Variants in DDAH2 observed in about 807,000 individuals in gnomAD.
The protein encoded by DDAH2 is putative hydrolase DDAH2.
In DDAH2, 8 loss-of-function variants were observed where a neutral mutation model predicts 24.8. The observed-to-expected ratio is 0.32, with a 90% CI of 0.19 to 0.58. The LOEUF is 0.58. DDAH2 is among the 20% of genes least tolerant of loss of function. The pLI, the probability that DDAH2 is intolerant of heterozygous loss-of-function variation, is 0.87. For synonymous variants in DDAH2, 151 were observed against 166.1 expected (o/e 0.91, Z 0.70); for missense variants, 281 against 379.0 (o/e 0.74, Z 2.15).
rs1807443500 is a variant in DDAH2 at position 31,727,211 on chromosome 6, G to T, written c.*26C>A. 1 of 1,554,776 alleles carries T rather than the reference G, an allele frequency of 6.4e-7. No homozygotes were observed. Among genetic ancestry groups the T allele is most frequent in the South Asian group, 1.1e-5 (1 of 89,726 alleles). Reference sequence around the variant, plus strand: ...TACTTCCTATACTATCCTACCCCTGGCCAGCAGTACCCCAAGGCCAGGCCC... The same window carrying T: ...TACTTCCTATACTATCCTACCCCTGTCCAGCAGTACCCCAAGGCCAGGCCC... On this transcript the variant is annotated 3_prime_UTR_variant, in exon 6 of 6. Coordinates refer to ENST00000375789, the MANE Select transcript of DDAH2 (RefSeq NM_001303007.2). The surrounding 1 kb of genome is among the most constrained non-coding windows in gnomAD (Gnocchi z 6.0).
chr6:31,728,699 A>G lies in DDAH2; in HGVS notation c.344T>C (p.Val115Ala), dbSNP rs752574412. 6.2e-6 allele frequency: 10 copies of G among 1,612,744 alleles called. No homozygotes were observed. Among genetic ancestry groups the G allele is most frequent in the African/African-American group, 1.3e-5 (1 of 74,840 alleles). Residue 115 changes from valine (V) to alanine (A), a missense_variant, in exon 2 of 6, where the codon GTG (valine) becomes GCG (alanine). Val to Ala is a moderately conservative substitution (Grantham distance 64). Transcript: ENST00000375789. The surrounding 1 kb of genome is among the most constrained non-coding windows in gnomAD (Gnocchi z 9.8). ...CGTCGCGTTCTCGTCTCCTATTTCC[A>G]CAATTCGGAGCCCCAGGTCTTGCAG... ...KALQDLGLRI[V>A]EIGDENATLD...
At chr6:31,729,715 G>A (rs747229814), upstream of DDAH2, 1 of 159,996 alleles carries the variant, frequency 6.3e-6, no homozygotes, top group Non-Finnish European at 1.4e-5. This position sits in a 1 kb window ranked among gnomAD's most constrained non-coding sequence, Gnocchi z 6.7. Context: ...GGGTAGGAAG[G>A]GAGGAGTTCG....
rs1807552424 is a variant in DDAH2, at chr6:31,728,319, G to C, written c.472-27C>G. 5 of 1,605,342 alleles carry C rather than the reference G, an allele frequency of 3.1e-6. No individual in the cohort carries two copies. In the South Asian group the frequency reaches 5.5e-5, roughly 18 times the overall value. ...TAGGGAGAGCGAAGGGAGGTATTCA[G>C]GGGCGCGGGAGGGGTGATGGGGTAT... is the stretch of plus-strand genomic sequence containing the variant. On this transcript the variant is annotated intron_variant, in intron 3 of 5. Transcript: ENST00000375789. The surrounding 1 kb of genome is among the most constrained non-coding windows in gnomAD (Gnocchi z 9.8).
Position 31,727,086 on chromosome 6 carries a change from C to A in DDAH2, c.*151G>T. ...TTGGTTCTGAGAGGGAGGATTCACC[C>A]AGTGGATCCTTTTCCCTACACTCTC... On this transcript the variant is annotated 3_prime_UTR_variant, in exon 6 of 6. Coordinates refer to ENST00000375789, the MANE Select transcript of DDAH2 (RefSeq NM_001303007.2). This position sits in a 1 kb window ranked among gnomAD's most constrained non-coding sequence, Gnocchi z 6.0. 1.5e-6 allele frequency: 1 copy of A among 682,786 alleles called. No homozygotes were observed. The highest frequency in any genetic ancestry group is 1.7e-5 in the South Asian group (1 of 57,722). The allele number at this position is 682,786 out of a possible 1,614,324, so 42.3% of individuals were successfully genotyped here.
Position 31,728,107 on chromosome 6 carries a change from C to A in DDAH2, c.591+66G>T. ...AGGGGTTAGGGCTAATTTCCTAAGC[C>A]TCCCAGCTCCCGGCCTCCCGGGCCC... is the stretch of plus-strand genomic sequence containing the variant. On this transcript the variant is annotated intron_variant, in intron 4 of 5. Transcript: ENST00000375789. The surrounding 1 kb of genome is among the most constrained non-coding windows in gnomAD (Gnocchi z 9.8). 6.3e-7 allele frequency: 1 copy of A among 1,583,588 alleles called. No individual in the cohort carries two copies.
upstream of DDAH2, chr6:31,729,552 AG>A (rs1321103169): frequency 2.4e-5 from 6 of 245,840 alleles, no homozygotes; most frequent in Non-Finnish European, 4.8e-5. The surrounding 1 kb of genome is among the most constrained non-coding windows in gnomAD (Gnocchi z 6.7). Flanking sequence ...AAAATGCAGC[AG>A]CCCCGCCCCC....
rs565274260 is a variant in DDAH2 at position 31,729,071 on chromosome 6, C to T, written c.91G>A (p.Ala31Thr). ...ESLASGEGAG[A>T]GLPALDLAKA... is the part of the protein sequence containing the mutation. Reference sequence around the variant, plus strand: ...GCCAGATCCAGAGCGGGAAGGCCAGCCCCCGCACCTTCCCCCGACGCCAGG... The same window carrying T: ...GCCAGATCCAGAGCGGGAAGGCCAGTCCCCGCACCTTCCCCCGACGCCAGG... Residue 31 changes from alanine to threonine, a missense_variant, in exon 1 of 6, where the codon GCT (alanine) becomes ACT (threonine). Physicochemically the swap from Ala to Thr is moderately conservative, Grantham distance 58. Transcript: ENST00000375789. This position sits in a 1 kb window ranked among gnomAD's most constrained non-coding sequence, Gnocchi z 6.7. The T allele has an allele frequency of 2.6e-4, 426 of 1,613,036 alleles. No homozygotes were observed. The highest frequency in any genetic ancestry group is 3.5e-4 in the Non-Finnish European group (409 of 1,180,014).
In DDAH2 at chr6:31,727,231, A is replaced by G; in HGVS notation, c.*6T>C. 6.2e-7 allele frequency: 1 copy of G among 1,609,766 alleles called. No homozygotes were observed. Among genetic ancestry groups the G allele is most frequent in the Non-Finnish European group, 8.5e-7 (1 of 1,177,104 alleles). ...CCCTGGCCAGCAGTACCCCAAGGCC[A>G]GGCCCTCAGCTGTGGGGGCGTGTGC... On this transcript the variant is annotated 3_prime_UTR_variant, in exon 6 of 6. Coordinates refer to ENST00000375789, the MANE Select transcript of DDAH2 (RefSeq NM_001303007.2). The surrounding 1 kb of genome is among the most constrained non-coding windows in gnomAD (Gnocchi z 6.0).
chr6:31,730,116 G>A (rs1807763305), upstream of DDAH2: 1 of 152,586 alleles, frequency 6.6e-6, no homozygotes, highest in Non-Finnish European at 1.5e-5. The surrounding 1 kb of genome is among the most constrained non-coding windows in gnomAD (Gnocchi z 5.1). Flanking sequence ...CCCGAGGACA[G>A]AGTTGGTGGA....
Position 31,727,376 on chromosome 6 carries a change from G to A in DDAH2, c.742-23C>T, listed in dbSNP as rs1042568862. On this transcript the variant is annotated intron_variant, in intron 5 of 5. Transcript: ENST00000375789. This position sits in a 1 kb window ranked among gnomAD's most constrained non-coding sequence, Gnocchi z 6.0. ...TGCCTGCACAGGGAAGACATGGAGT[G>A]GGGAGAGGGGAGTGAGACCTCAGGC... 1.2e-6 allele frequency: 2 copies of A among 1,601,786 alleles called. No homozygotes were observed. The highest frequency in any genetic ancestry group is 1.1e-5 in the South Asian group (1 of 90,454).
chr6:31,729,135 G>C lies in DDAH2; in HGVS notation c.27C>G (p.Gly9=). 6.2e-7 allele frequency: 1 copy of C among 1,610,148 alleles called. No homozygotes were observed. The highest frequency in any genetic ancestry group is 8.5e-7 in the Non-Finnish European group (1 of 1,177,874). MGTPGEGL[G]RCSHALIRGV... ...CCCGGATCAGGGCATGGGAGCAGCG[G>C]CCCAGCCCCTCCCCCGGCGTCCCCA... Residue 9 remains glycine, a synonymous_variant, in exon 1 of 6, where the codon GGC becomes GGG. Coordinates refer to ENST00000375789, the MANE Select transcript of DDAH2 (RefSeq NM_001303007.2). The surrounding 1 kb of genome is among the most constrained non-coding windows in gnomAD (Gnocchi z 6.7).
rs754239946 is a variant in DDAH2 at position 31,728,284 on chromosome 6, G to A, written c.480C>T (p.Ala160=). The A allele has an allele frequency of 4.0e-5, 64 of 1,610,532 alleles. No homozygotes were observed. The highest frequency in any genetic ancestry group is 5.0e-5 in the Admixed American group (3 of 59,726). Residue 160 remains alanine, a synonymous_variant, in exon 4 of 6, where the codon GCC becomes GCT. Coordinates refer to ENST00000375789, the MANE Select transcript of DDAH2 (RefSeq NM_001303007.2). The surrounding 1 kb of genome is among the most constrained non-coding windows in gnomAD (Gnocchi z 9.8). ...GACCCGAGACTGGCACAGTGGAGAC[G>A]GCGAAGTCCTAGGGAGAGCGAAGGG... ...EIVADTFRDF[A]VSTVPVSGPS...
chr6:31,728,251 G>A lies in DDAH2; in HGVS notation c.513C>T (p.His171=). The change falls in exon 4 of 6, where the codon CAC becomes CAT. Residue 171 remains histidine (H), a synonymous_variant. Coordinates refer to ENST00000375789, the MANE Select transcript of DDAH2 (RefSeq NM_001303007.2). This position sits in a 1 kb window ranked among gnomAD's most constrained non-coding sequence, Gnocchi z 9.8. ...VSTVPVSGPS[H]LRGLCGMGGP... is the part of the protein sequence containing the mutation. Reference sequence around the variant, plus strand: ...CCCCCATGCCGCAGAGACCGCGCAGGTGGGAGGGACCCGAGACTGGCACAG... The same window carrying A: ...CCCCCATGCCGCAGAGACCGCGCAGATGGGAGGGACCCGAGACTGGCACAG... 1 of 1,612,554 alleles carries A rather than the reference G, an allele frequency of 6.2e-7. No individual in the cohort carries two copies. Among genetic ancestry groups the A allele is most frequent in the East Asian group, 2.2e-5 (1 of 44,878 alleles).
At position 31,728,714 on chromosome 6, in the gene DDAH2, A is replaced by G. The variant is rs756843527; in HGVS notation, c.329T>C (p.Leu110Pro). ...VDGVRKALQD[L>P]GLRIVEIGDE... ...TCCTATTTCCACAATTCGGAGCCCC[A>G]GGTCTTGCAGGGCTTTGCGGACTCC... The change falls in exon 2 of 6, where the codon CTG (leucine) becomes CCG (proline). Residue 110 changes from leucine to proline, a missense_variant. By Grantham distance (98) the Leu-to-Pro change is moderately conservative. Coordinates refer to ENST00000375789, the MANE Select transcript of DDAH2 (RefSeq NM_001303007.2). This position sits in a 1 kb window ranked among gnomAD's most constrained non-coding sequence, Gnocchi z 9.8. The G allele has an allele frequency of 6.2e-7, 1 of 1,613,000 alleles. No homozygotes were observed. The highest frequency in any genetic ancestry group is 8.5e-7 in the Non-Finnish European group (1 of 1,179,996).
At chr6:31,729,504 G>C (rs964687901), upstream of DDAH2, 2 of 316,812 alleles carry the variant, frequency 6.3e-6, no homozygotes, top group Non-Finnish European at 1.2e-5. This position sits in a 1 kb window ranked among gnomAD's most constrained non-coding sequence, Gnocchi z 6.7. Flanking sequence ...CCTGTCGGGC[G>C]CCCCTCTTGG....
chr6:31,728,803 A>G lies in DDAH2; in HGVS notation c.298-58T>C. The G allele has an allele frequency of 6.2e-7, 1 of 1,611,076 alleles. No homozygotes were observed. Among genetic ancestry groups the G allele is most frequent in the Non-Finnish European group, 8.5e-7 (1 of 1,179,074 alleles). ...ACACCCCCATCCTCAATTCTTCCCC[A>G]AAGCCCCGACATCCAGTTCCTTCTG... On this transcript the variant is annotated intron_variant, in intron 1 of 5. Transcript: ENST00000375789. The surrounding 1 kb of genome is among the most constrained non-coding windows in gnomAD (Gnocchi z 9.8).
Position 31,729,057 on chromosome 6 carries a change from A to G in DDAH2, c.105T>C (p.Ala35=). The G allele has an allele frequency of 6.2e-7, 1 of 1,612,950 alleles. No homozygotes were observed. Among genetic ancestry groups the G allele is most frequent in the Non-Finnish European group, 8.5e-7 (1 of 1,179,996 alleles). ...CCCTTTGAGCTTTGGCCAGATCCAG[A>G]GCGGGAAGGCCAGCCCCCGCACCTT... The part of the protein sequence containing the change: ...SGEGAGAGLP[A]LDLAKAQREH... The change falls in exon 1 of 6, where the codon GCT becomes GCC. Residue 35 remains alanine (A), a synonymous_variant. Transcript: ENST00000375789. This position sits in a 1 kb window ranked among gnomAD's most constrained non-coding sequence, Gnocchi z 6.7.
In DDAH2 at chr6:31,727,370, T is replaced by C. The variant is rs1158592571; in HGVS notation, c.742-17A>G. On this transcript the variant is annotated splice_polypyrimidine_tract_variant and intron_variant, in intron 5 of 5. Transcript: ENST00000375789. The surrounding 1 kb of genome is among the most constrained non-coding windows in gnomAD (Gnocchi z 6.0). Reference sequence around the variant, plus strand: ...CTGCAGTGCCTGCACAGGGAAGACATGGAGTGGGGAGAGGGGAGTGAGACC... The same window carrying C: ...CTGCAGTGCCTGCACAGGGAAGACACGGAGTGGGGAGAGGGGAGTGAGACC... 2 of 1,607,058 alleles carry C rather than the reference T, an allele frequency of 1.2e-6. No homozygotes were observed. The highest frequency in any genetic ancestry group is 8.5e-7 in the Non-Finnish European group (1 of 1,175,404).
In DDAH2 at chr6:31,728,576, G is replaced by A. The variant is rs533551218; in HGVS notation, c.398-52C>T. The A allele has an allele frequency of 4.7e-5, 76 of 1,611,352 alleles. No homozygotes were observed. Among genetic ancestry groups the A allele is most frequent in the Non-Finnish European group, 5.8e-5 (68 of 1,178,784 alleles). Reference sequence around the variant, plus strand: ...GAGGGCGGGAGTGAGTTAGAAACAAGGCTCCAGACGGCCGAGTCTCCCAAA... The same window carrying A: ...GAGGGCGGGAGTGAGTTAGAAACAAAGCTCCAGACGGCCGAGTCTCCCAAA... On this transcript the variant is annotated intron_variant, in intron 2 of 5. Coordinates refer to ENST00000375789, the MANE Select transcript of DDAH2 (RefSeq NM_001303007.2). This position sits in a 1 kb window ranked among gnomAD's most constrained non-coding sequence, Gnocchi z 9.8.
Sources: gnomAD v4.1 joint callset for allele counts on GRCh38, gnomAD v4.1.1 for gene constraint, Gnocchi (gnomAD v3.1) non-coding constraint, MANE v1.5 for transcripts, NCBI Gene and HGNC (gene_info 2026-07-23, HGNC 2026-07-21) for gene names.